Variants in DPP10 observed in about 807,000 individuals in gnomAD.
DPP10 encodes inactive dipeptidyl peptidase 10.
DPP10 carries 33 observed loss-of-function variants against 120.9 expected under a neutral mutation model. The ratio of observed to expected loss-of-function variants is 0.27; its 90% CI spans 0.21 to 0.37. The LOEUF is 0.37. Among genes scored for constraint, DPP10 ranks in the 10% least tolerant of loss-of-function variants. DPP10 has a pLI of 1.00. For missense variants in DPP10, 816 were observed against 942.8 expected, an observed-to-expected ratio of 0.87 and a Z score of 1.76; for synonymous variants, 337 against 326.1, an observed-to-expected ratio of 1.03 and a Z score of -0.36.
At chr2:115,127,483 G>A (rs934321942) in intron 1 of DPP10, among the ~76,000 whole-genome samples, 2 of 152,092 alleles carry the variant, frequency 1.3e-5, no homozygotes, top group Non-Finnish European at 2.9e-5. Context: ...GAAACCTAGA[G>A]TCAGATGGCA....
chr2:115,364,919 T>C (rs990970756), intron 3 of DPP10, among the ~76,000 whole-genome samples: 1 of 152,054 alleles, frequency 6.6e-6, no homozygotes, highest in Non-Finnish European at 1.5e-5. Flanking sequence ...GGATATTTTT[T>C]CTCCTTCCAA....
chr2:115,257,540 C>T (rs1349939616), intron 1 of DPP10, among the ~76,000 whole-genome samples: 3 of 152,230 alleles, frequency 2.0e-5, no homozygotes, highest in African/African-American at 7.2e-5. Flanking sequence ...TGTGAGAGGA[C>T]AGCACCAAGC....
At chr2:114,923,557 C>A (rs544710532) in intron 1 of DPP10, among the ~76,000 whole-genome samples, 1 of 137,152 alleles carries the variant, frequency 7.3e-6, no homozygotes, top group Non-Finnish European at 1.5e-5. Context: ...CAGCTCAATG[C>A]AAGCTCTGCC....
chr2:115,610,652 T>C (rs923905039), intron 5 of DPP10, among the ~76,000 whole-genome samples: 4 of 152,188 alleles, frequency 2.6e-5, no homozygotes, highest in Admixed American at 6.5e-5. Flanking sequence ...GACCTTCTTT[T>C]CCTGAAATGC....
intron 1 of DPP10, among the ~76,000 whole-genome samples, chr2:115,013,292 T>C (rs1471153267): frequency 1.3e-5 from 2 of 152,186 alleles, no homozygotes; most frequent in East Asian, 3.9e-4. Context: ...GGGCTGAAAA[T>C]TCTTTTCTTT....
intron 5 of DPP10, 27 bp downstream of exon 5, chr2:115,525,999 A>G (rs2078113001): frequency 3.2e-6 from 5 of 1,575,300 alleles, no homozygotes; most frequent in Non-Finnish European, 4.3e-6. Flanking sequence ...CTTTGAGAAT[A>G]CTTTTCTTTG....
chr2:114,838,657 G>A (rs1483111458), intron 1 of DPP10, among the ~76,000 whole-genome samples: 5 of 151,992 alleles, frequency 3.3e-5, no homozygotes, highest in South Asian at 2.1e-4. Context: ...TTAAAATACC[G>A]AAAGGTATAC....
Position 114,661,400 on chromosome 2 carries a change from T to C in DPP10, c.60+218562T>C, listed in dbSNP as rs1697392945. ...ATATACATGACAATTACTCCACAGA[T>C]TGGGGCACATGTGTTAATGTCACGA... On this transcript the variant is annotated intron_variant, in intron 1 of 25. Coordinates refer to ENST00000410059, the MANE Select transcript of DPP10 (RefSeq NM_020868.6). 3.9e-5 allele frequency among the ~76,000 whole-genome samples: 6 copies of C among 152,194 alleles called. No individual in the cohort carries two copies. The South Asian group carries it at 1.2e-3, about 31-fold the overall frequency.
intron 21 of DPP10, among the ~76,000 whole-genome samples, chr2:115,828,943 A>T (rs1688653391): frequency 6.6e-6 from 1 of 152,062 alleles, no homozygotes; most frequent in African/African-American, 2.4e-5. Context: ...CCTTGTTGAC[A>T]TACTAAAATT....
At chr2:115,638,888 T>G (rs1431351046) in intron 5 of DPP10, among the ~76,000 whole-genome samples, 1 of 152,196 alleles carries the variant, frequency 6.6e-6, no homozygotes, top group Non-Finnish European at 1.5e-5. Context: ...TAAGGGGGAC[T>G]GGGATGATCA....
intron 19 of DPP10, among the ~76,000 whole-genome samples, chr2:115,812,423 A>G (rs1420476171): frequency 2.6e-5 from 4 of 152,160 alleles, no homozygotes; most frequent in African/African-American, 9.7e-5. Context: ...TAGTTCTCAA[A>G]TGTTAAACAA....
intron 1 of DPP10, among the ~76,000 whole-genome samples, chr2:115,229,689 CCTATT>C (rs58625775): frequency 0.39 from 55,078 of 139,462 alleles, 10,826 homozygotes; most frequent in Admixed American, 0.42. Flanking sequence ...TCTGAGTTCT[CCTATT>C]CTATTCTATT....
intron 1 of DPP10, among the ~76,000 whole-genome samples, chr2:114,964,866 AAATAT>A: frequency 6.6e-6 from 1 of 152,214 alleles, no homozygotes; most frequent in Non-Finnish European, 1.5e-5. Flanking sequence ...TCCTGTTAAG[AAATAT>A]ACTGAAAGAA....
At chr2:115,750,938 AATT>A (rs1465331665) in intron 10 of DPP10, among the ~76,000 whole-genome samples, 2 of 152,146 alleles carry the variant, frequency 1.3e-5, no homozygotes, top group Non-Finnish European at 2.9e-5. Flanking sequence ...TTATTTTTAA[AATT>A]ATTCATGTTA....
At chr2:115,599,643 T>A (rs2083201987) in intron 5 of DPP10, among the ~76,000 whole-genome samples, 1 of 152,192 alleles carries the variant, frequency 6.6e-6, no homozygotes, top group African/African-American at 2.4e-5. Context: ...GATTGGCATC[T>A]GTTCATTATT....
intron 13 of DPP10, among the ~76,000 whole-genome samples, chr2:115,772,695 T>C (rs1205469139): frequency 2.0e-5 from 3 of 152,164 alleles, no homozygotes; most frequent in Non-Finnish European, 4.4e-5. Context: ...TTGAAAAATA[T>C]TTGTTATGTT....
rs750450344 is a variant in DPP10 at position 115,343,837 on chromosome 2, G to C, written c.196G>C (p.Glu66Gln). The C allele has an allele frequency of 6.2e-7, 1 of 1,611,490 alleles. No individual in the cohort carries two copies. The highest frequency in any genetic ancestry group is 2.2e-5 in the East Asian group (1 of 44,684). The change falls in exon 3 of 26, where the codon GAA becomes CAA. Residue 66 changes from glutamate (E) to glutamine (Q), a missense_variant. Glu to Gln is a conservative substitution (Grantham distance 29). Transcript: ENST00000410059. ...LTPDELTNSS[E>Q]TRLSLEDLFR... ...TTTAGATGAACTCACAAATTCGTCAGAAACCAGATTGTCTTTGGAAGACCT... is the reference window on the plus strand; with the variant it reads ...TTTAGATGAACTCACAAATTCGTCACAAACCAGATTGTCTTTGGAAGACCT...
intron 1 of DPP10, among the ~76,000 whole-genome samples, chr2:115,066,333 T>C (rs1301113962): frequency 6.6e-6 from 1 of 152,152 alleles, no homozygotes; most frequent in Non-Finnish European, 1.5e-5. Flanking sequence ...AGGCACTTTA[T>C]GCATATGAAC....
intron 1 of DPP10, among the ~76,000 whole-genome samples, chr2:114,497,431 A>C (rs987823532): frequency 2.0e-5 from 3 of 150,358 alleles, no homozygotes; most frequent in Non-Finnish European, 1.5e-5. Flanking sequence ...ATCTATATAT[A>C]TATGCATATA....
Sources: gnomAD v4.1 joint callset for allele counts (sites outside exome capture counted in the v4.1 genomes callset) on GRCh38, gnomAD v4.1.1 for gene constraint, MANE v1.5 for transcripts, NCBI Gene and HGNC (gene_info 2026-07-23, HGNC 2026-07-21) for gene names.